Variants in PARD3 observed in about 807,000 individuals in gnomAD.
PARD3 encodes the protein par-3 family cell polarity regulator, also known as partitioning defective 3 homolog.
A neutral mutation model predicts 155.4 loss-of-function variants in PARD3; 75 were observed. That is an observed-to-expected ratio of 0.48 (90% CI 0.40 to 0.58). The LOEUF (loss-of-function observed/expected upper bound fraction) is 0.58. PARD3 is among the 20% of genes least tolerant of loss of function. PARD3 has a pLI of 0.00. For missense variants in PARD3, 1,642 were observed against 1,721.7 expected (o/e 0.95, Z 0.82); for synonymous variants, 576 against 610.5 (o/e 0.94, Z 0.83).
Position 34,337,439 on chromosome 10 carries a change from A to G in PARD3, c.2409-13T>C, listed in dbSNP as rs12253994. On this transcript the variant is annotated splice_polypyrimidine_tract_variant and intron_variant, in intron 16 of 24. Coordinates refer to ENST00000374788, the MANE Select transcript of PARD3 (RefSeq NM_001184785.2). ...TGGACTCAAAGAGCTGGAGTGAAGA[A>G]AAAATAAAAATAAAAATATTTACTA... The G allele has an allele frequency of 2.3e-3, 3,428 of 1,505,896 alleles. 86 individuals carry two copies. In the African/African-American group the frequency reaches 0.044, roughly 19 times the overall value. The allele number at this position is 1,505,896 out of a possible 1,614,324, so 93.3% of individuals were successfully genotyped here. A position where few individuals can be genotyped will look rare whatever the true frequency, so the allele number is the denominator to read the frequency against.
At chr10:34,280,392 AT>A (rs1427436019) in intron 21 of PARD3, among the ~76,000 whole-genome samples, 1 of 152,154 alleles carries the variant, frequency 6.6e-6, no homozygotes, top group Non-Finnish European at 1.5e-5. Context: ...ATACAGATAA[AT>A]TTTTGTTTTC....
In PARD3 at chr10:34,360,244, C is replaced by A; in HGVS notation, c.1723G>T (p.Asp575Tyr). Residue 575 changes from aspartate to tyrosine, a missense_variant, in exon 13 of 25, where the codon GAT becomes TAT. By Grantham distance (160) the Asp-to-Tyr change is radical. Around this residue, in one of 3 missense-constraint regions of PARD3, gnomAD observed 1,529 missense variants for 1,587.3 expected, o/e 0.96. Transcript: ENST00000374788. Reference protein sequence around the residue: ...IPKETKAEDEDIVLTPDGTRE... With the variant: ...IPKETKAEDEYIVLTPDGTRE... Reference sequence around the variant, plus strand: ...GTGCCATCAGGTGTAAGAACAATATCCTCATCTTCTGCTTTCTAATAGGGA... The same window carrying A: ...GTGCCATCAGGTGTAAGAACAATATACTCATCTTCTGCTTTCTAATAGGGA... 6.2e-7 allele frequency: 1 copy of A among 1,612,636 alleles called. No homozygotes were observed. The highest frequency in any genetic ancestry group is 8.5e-7 in the Non-Finnish European group (1 of 1,178,670).
intron 2 of PARD3, among the ~76,000 whole-genome samples, chr10:34,685,616 C>T (rs995356096): frequency 6.2e-5 from 9 of 145,046 alleles, no homozygotes; most frequent in South Asian, 2.2e-4. Flanking sequence ...TTTTTGGAGA[C>T]GGAGTCTCAC....
At chr10:34,562,826 T>C (rs959961628) in intron 2 of PARD3, among the ~76,000 whole-genome samples, 3 of 152,014 alleles carry the variant, frequency 2.0e-5, no homozygotes, top group African/African-American at 7.3e-5. Flanking sequence ...AGTGGCTCCA[T>C]CACAGATGCA....
chr10:34,658,938 G>T (rs1403861665), intron 2 of PARD3, among the ~76,000 whole-genome samples: 1 of 152,192 alleles, frequency 6.6e-6, no homozygotes, highest in Non-Finnish European at 1.5e-5. Flanking sequence ...ATTTATAATT[G>T]TGCATGTCAC....
chr10:34,795,049 C>A (rs1452072709), intron 1 of PARD3, among the ~76,000 whole-genome samples: 1 of 152,236 alleles, frequency 6.6e-6, no homozygotes, highest in South Asian at 2.1e-4. Flanking sequence ...GCTGTGCTGT[C>A]TTCCAGGTCT....
At chr10:34,431,900 G>T (rs371333999) in intron 5 of PARD3, among the ~76,000 whole-genome samples, 2 of 150,356 alleles carry the variant, frequency 1.3e-5, no homozygotes, top group Non-Finnish European at 3.0e-5. Context: ...AAATTAGCTG[G>T]GCGTGGTGGC....
intron 22 of PARD3, among the ~76,000 whole-genome samples, chr10:34,198,020 C>A (rs1419044712): frequency 6.6e-6 from 1 of 152,194 alleles, no homozygotes; most frequent in Non-Finnish European, 1.5e-5. Context: ...AGCCACCGCG[C>A]CCGGCCGAAT....
intron 1 of PARD3, among the ~76,000 whole-genome samples, chr10:34,715,038 C>T (rs2094499466): frequency 6.6e-6 from 1 of 150,376 alleles, no homozygotes; most frequent in African/African-American, 2.4e-5. Flanking sequence ...TCCCAAAGTG[C>T]TGGGATTACA....
chr10:34,647,233 T>A (rs1409677742), intron 2 of PARD3, among the ~76,000 whole-genome samples: 48 of 152,154 alleles, frequency 3.2e-4, no homozygotes, highest in Admixed American at 3.1e-3. Flanking sequence ...AAACAACAAG[T>A]CATAAGCTGG....
At chr10:34,496,220 A>AAG (rs1277641668) in intron 3 of PARD3, among the ~76,000 whole-genome samples, 1 of 145,728 alleles carries the variant, frequency 6.9e-6, no homozygotes, top group East Asian at 2.0e-4. Context: ...GAAGAAGAAG[A>AAG]AAAAAAAAAA....
Position 34,131,521 on chromosome 10 carries a change from G to A in PARD3, c.3482C>T (p.Ala1161Val), listed in dbSNP as rs1438550579. 1 of 1,613,852 alleles carries A rather than the reference G, an allele frequency of 6.2e-7. No individual in the cohort carries two copies. Residue 1161 changes from alanine (A) to valine (V), a missense_variant, in exon 23 of 25, where the codon GCA becomes GTA. Coordinates refer to ENST00000374788, the MANE Select transcript of PARD3 (RefSeq NM_001184785.2). The part of the protein sequence containing the change: ...IQRLRQEFQQ[A>V]KQDEDVEDRR... Reference sequence around the variant, plus strand: ...ATCTTCTACATCTTCATCTTGCTTTGCTTGCTGAAATTCTTGCCTCAGACG... The same window carrying A: ...ATCTTCTACATCTTCATCTTGCTTTACTTGCTGAAATTCTTGCCTCAGACG...
chr10:34,649,259 C>A (rs1225602466), intron 2 of PARD3, among the ~76,000 whole-genome samples: 1 of 152,166 alleles, frequency 6.6e-6, no homozygotes, highest in Non-Finnish European at 1.5e-5. Flanking sequence ...GCCTGGGAAA[C>A]ACAGCAAGGC....
intron 22 of PARD3, among the ~76,000 whole-genome samples, chr10:34,142,796 G>C (rs1354567426): frequency 6.6e-6 from 1 of 152,180 alleles, no homozygotes; most frequent in Non-Finnish European, 1.5e-5. Context: ...GCAAGGACGT[G>C]TAAGGGATTC....
intron 1 of PARD3, among the ~76,000 whole-genome samples, chr10:34,700,114 G>C (rs867856637): frequency 1.3e-5 from 2 of 151,858 alleles, no homozygotes; most frequent in African/African-American, 4.8e-5. Flanking sequence ...ATAAACGAGG[G>C]GCAGAGTTCA....
chr10:34,226,732 G>A (rs568527277), intron 22 of PARD3, among the ~76,000 whole-genome samples: 9 of 152,202 alleles, frequency 5.9e-5, no homozygotes, highest in African/African-American at 1.9e-4. Context: ...GAAATAAAAC[G>A]TGTCCACAGA....
chr10:34,438,649 T>C (rs146354633), intron 5 of PARD3, among the ~76,000 whole-genome samples: 2 of 152,244 alleles, frequency 1.3e-5, no homozygotes, highest in South Asian at 2.1e-4. Flanking sequence ...AAGGGTTCAC[T>C]AGGAGCTATA....
chr10:34,268,248 A>C (rs1955429888), intron 22 of PARD3, among the ~76,000 whole-genome samples: 1 of 152,146 alleles, frequency 6.6e-6, no homozygotes. Context: ...CACACCAGTT[A>C]GAATGGTGAT....
At chr10:34,402,613 A>G (rs1844014438) in intron 5 of PARD3, among the ~76,000 whole-genome samples, 1 of 152,200 alleles carries the variant, frequency 6.6e-6, no homozygotes, top group Non-Finnish European at 1.5e-5. Flanking sequence ...GGACAAGCTA[A>G]AGTAACAAAG....
Sources: allele counts gnomAD v4.1 joint callset (sites outside exome capture counted in the v4.1 genomes callset), GRCh38; gene constraint gnomAD v4.1.1; regional missense constraint gnomAD v4.1.1; transcripts MANE v1.5; gene names NCBI Gene and HGNC (gene_info 2026-07-23, HGNC 2026-07-21).